Variants in XPO5 observed in about 807,000 individuals in gnomAD.
XPO5 encodes the protein exportin-5.
XPO5 carries 46 observed loss-of-function variants against 160.6 expected under a neutral mutation model. The ratio of observed to expected loss-of-function variants is 0.29; its 90% CI spans 0.23 to 0.37. The LOEUF (loss-of-function observed/expected upper bound fraction) is 0.37, where lower values mean the gene tolerates loss of function less well. Among genes scored for constraint, XPO5 ranks in the 10% least tolerant of loss-of-function variants. XPO5 has a pLI of 1.00. For missense variants in XPO5, 1,090 were observed against 1,463.9 expected (o/e 0.74, Z 4.17); for synonymous variants, 537 against 519.3 (o/e 1.03, Z -0.46).
rs116777005 is a variant in XPO5, at chr6:43,571,199, A to T, written c.301-205T>A. ...CGCTTAAAGCTTAAGTGAGGGTTGC[A>T]TCACCTAAAAGGCTGTCATATCGAG... On this transcript the variant is annotated intron_variant, in intron 3 of 31. Coordinates refer to ENST00000265351, the MANE Select transcript of XPO5 (RefSeq NM_020750.3). Among the ~76,000 whole-genome samples the T allele has an allele frequency of 6.5e-3, 988 of 152,340 alleles. 10 individuals carry two copies. The highest frequency in any genetic ancestry group is 0.022 in the African/African-American group (907 of 41,570).
chr6:43,574,199 C>T (rs1174526900), intron 1 of XPO5, among the ~76,000 whole-genome samples: 1 of 151,920 alleles, frequency 6.6e-6, no homozygotes, highest in African/African-American at 2.4e-5. Context: ...ACTCAGGAGG[C>T]TGAAGTGGTA....
At chr6:43,570,258 G>C (rs1411647663) in intron 5 of XPO5, among the ~76,000 whole-genome samples, 1 of 139,908 alleles carries the variant, frequency 7.1e-6, no homozygotes, top group Non-Finnish European at 1.5e-5. Context: ...GTTGCAGTGA[G>C]CCGGGATCAC....
rs747367211 is a variant in XPO5 at position 43,567,366 on chromosome 6, G to T, written c.649-12C>A. ...CAGTTTGCTTGCGCCTACCAGAAAAGAAGTAACTTTGGACCATGAAGTCCT... is the reference window on the plus strand; with the variant it reads ...CAGTTTGCTTGCGCCTACCAGAAAATAAGTAACTTTGGACCATGAAGTCCT... On this transcript the variant is annotated splice_polypyrimidine_tract_variant and intron_variant, in intron 6 of 31. Transcript: ENST00000265351. 1.4e-5 allele frequency: 22 copies of T among 1,594,038 alleles called. No homozygotes were observed. The highest frequency in any genetic ancestry group is 1.9e-5 in the Non-Finnish European group (22 of 1,171,112).
intron 3 of XPO5, among the ~76,000 whole-genome samples, chr6:43,572,274 A>C (rs541451701): frequency 2.4e-4 from 36 of 152,292 alleles, no homozygotes; most frequent in African/African-American, 8.4e-4. Flanking sequence ...ATGGGGTCTC[A>C]CTGCATTGCC....
chr6:43,568,493 C>T (rs1762819882), intron 6 of XPO5, among the ~76,000 whole-genome samples: 1 of 151,898 alleles, frequency 6.6e-6, no homozygotes, highest in African/African-American at 2.4e-5. Context: ...ATATTCCCAG[C>T]TACTCATGAA....
At chr6:43,529,423 G>A (rs915623192) in intron 23 of XPO5, 3 of 345,430 alleles carry the variant, frequency 8.7e-6, no homozygotes, top group East Asian at 8.4e-5. Flanking sequence ...GCATGGGGGC[G>A]AGCGCCTGTA....
At chr6:43,535,580 C>T (rs913587361) in intron 20 of XPO5, among the ~76,000 whole-genome samples, 9 of 151,746 alleles carry the variant, frequency 5.9e-5, no homozygotes, top group African/African-American at 1.9e-4. Context: ...AGAGGCCGGG[C>T]GCGGTGGATC....
rs1793749604 is a variant in XPO5 at position 43,528,636 on chromosome 6, A to G, written c.2775+192T>C. Among the ~76,000 whole-genome samples, 3 of 152,260 alleles carry G rather than the reference A, an allele frequency of 2.0e-5. No individual in the cohort carries two copies. The South Asian group carries it at 6.2e-4, about 32-fold the overall frequency. Reference sequence around the variant, plus strand: ...CTGCAACTGAAGCTGTCTTGTGGCAATTAAATCAGTTTAGTTCTTTGGGGG... The same window carrying G: ...CTGCAACTGAAGCTGTCTTGTGGCAGTTAAATCAGTTTAGTTCTTTGGGGG... On this transcript the variant is annotated intron_variant, in intron 24 of 31. Coordinates refer to ENST00000265351, the MANE Select transcript of XPO5 (RefSeq NM_020750.3).
At chr6:43,549,715 T>A (rs1048405476) in intron 16 of XPO5, 137 bp from the exon 17 acceptor site, 30 of 1,226,484 alleles carry the variant, frequency 2.4e-5, no homozygotes, top group Non-Finnish European at 3.1e-5. Flanking sequence ...TGGAGTAACA[T>A]TTATAGCCAC....
At chr6:43,568,651 A>G in intron 6 of XPO5, 60 bp downstream of exon 6, 1 of 1,399,504 alleles carries the variant, frequency 7.1e-7, no homozygotes, top group Middle Eastern at 1.8e-4. Context: ...CACTAGGGGC[A>G]CGTATCCCCT....
rs1762048748 is a variant in XPO5, at chr6:43,555,777, T to C, written c.1441+59A>G. The C allele has an allele frequency of 3.1e-6, 5 of 1,602,274 alleles. No individual in the cohort carries two copies. The South Asian group carries it at 4.4e-5, about 14-fold the overall frequency. On this transcript the variant is annotated intron_variant, in intron 13 of 31. Coordinates refer to ENST00000265351, the MANE Select transcript of XPO5 (RefSeq NM_020750.3). Reference sequence around the variant, plus strand: ...GTGTATAGCTCAGGCTCATTTCCTATATATAGTTTTGATACTGTCCTAACA... The same window carrying C: ...GTGTATAGCTCAGGCTCATTTCCTACATATAGTTTTGATACTGTCCTAACA...
intron 8 of XPO5, among the ~76,000 whole-genome samples, chr6:43,563,125 T>C (rs1265429247): frequency 6.6e-6 from 1 of 152,160 alleles, no homozygotes; most frequent in Non-Finnish European, 1.5e-5. Context: ...AATGCTTTAA[T>C]ATTTTTTCTT....
chr6:43,563,456 C>A (rs1233059309), intron 8 of XPO5, among the ~76,000 whole-genome samples: 1 of 152,134 alleles, frequency 6.6e-6, no homozygotes, highest in Non-Finnish European at 1.5e-5. Context: ...TTTTCTAGAG[C>A]AACTGGAAGA....
In XPO5 at chr6:43,567,309, C is replaced by T. The variant is rs751028494; in HGVS notation, c.694G>A (p.Ala232Thr). The T allele has an allele frequency of 6.2e-7, 1 of 1,613,528 alleles. No homozygotes were observed. The highest frequency in any genetic ancestry group is 8.5e-7 in the Non-Finnish European group (1 of 1,179,702). The stretch of plus-strand genomic sequence containing the variant: ...ATAGACACCCAGTCAATATAGCCTG[C>T]TAGAGTATTCAGTGCTGCAACTCCT... ...RVGVAALNTL[A>T]GYIDWVSMSH... is the part of the protein sequence containing the mutation. Residue 232 changes from alanine (A) to threonine (T), a missense_variant, in exon 7 of 32, where the codon GCA (alanine) becomes ACA (threonine). Ala to Thr is a moderately conservative substitution (Grantham distance 58, BLOSUM62 0). Transcript: ENST00000265351.
chr6:43,573,565 C>A lies in XPO5; in HGVS notation c.142G>T (p.Val48Phe), dbSNP rs773234792. Residue 48 changes from valine (V) to phenylalanine (F), a missense_variant, in exon 2 of 32, where the codon GTC (valine) becomes TTC (phenylalanine). Physicochemically the swap from Val to Phe is conservative, Grantham distance 50. Transcript: ENST00000265351. The stretch of plus-strand genomic sequence containing the variant: ...TCAGCCAACCTCAAGCCACAGGGGA[C>A]ACAGATAGGACACTTTTCTTTAAAC... ...EEFKEKCPIC[V>F]PCGLRLAEKT... 6 of 1,613,528 alleles carry A rather than the reference C, an allele frequency of 3.7e-6. No homozygotes were observed. The highest frequency in any genetic ancestry group is 4.2e-6 in the Non-Finnish European group (5 of 1,179,714).
Position 43,549,995 on chromosome 6 carries a change from T to C in XPO5, c.1729-61A>G. On this transcript the variant is annotated intron_variant, in intron 15 of 31. Coordinates refer to ENST00000265351, the MANE Select transcript of XPO5 (RefSeq NM_020750.3). ...ATTTGTTTTAGAGATGAGATCTTGC[T>C]ATGTTGCCCAGACTAGACTTGAATT... 2.6e-6 allele frequency: 4 copies of C among 1,558,812 alleles called. No homozygotes were observed. The East Asian group carries it at 6.8e-5, about 27-fold the overall frequency.
intron 20 of XPO5, among the ~76,000 whole-genome samples, chr6:43,534,302 G>A (rs1048706348): frequency 2.0e-5 from 3 of 152,294 alleles, no homozygotes; most frequent in South Asian, 2.1e-4. Flanking sequence ...TTAAATCTGA[G>A]GTGGTCCCAG....
intron 20 of XPO5, 106 bp downstream of exon 20, chr6:43,546,465 C>A: frequency 9.2e-7 from 1 of 1,081,258 alleles, no homozygotes. Flanking sequence ...TTAAATCAAT[C>A]CCTCATTAAT....
At chr6:43,546,534 T>C (rs1207924524) in intron 20 of XPO5, 37 bp downstream of exon 20, 75 of 1,569,254 alleles carry the variant, frequency 4.8e-5, no homozygotes, top group Non-Finnish European at 5.9e-5. Flanking sequence ...TAAGGTAAAG[T>C]AGAAAACAAC....
Sources: allele counts gnomAD v4.1 joint callset (sites outside exome capture counted in the v4.1 genomes callset), GRCh38; gene constraint gnomAD v4.1.1; transcripts MANE v1.5; gene names NCBI Gene and HGNC (gene_info 2026-07-23, HGNC 2026-07-21).